Variants in MYRIP observed in about 807,000 individuals in gnomAD.
The protein encoded by MYRIP is rab effector MyRIP.
MYRIP carries 49 observed loss-of-function variants against 98.0 expected under a neutral mutation model. The observed-to-expected ratio is 0.50, with a 90% CI of 0.40 to 0.63. The LOEUF is 0.63. Among genes scored for constraint, MYRIP ranks in the 30% least tolerant of loss-of-function variants. The pLI, the probability that MYRIP is intolerant of heterozygous loss-of-function variation, is 0.00. For synonymous variants in MYRIP, 404 were observed against 409.5 expected (o/e 0.99, Z 0.16); for missense variants, 1,004 against 1,058.2 (o/e 0.95, Z 0.71).
intron 3 of MYRIP, among the ~76,000 whole-genome samples, chr3:40,146,186 C>CA (rs1460612644): frequency 1.3e-5 from 2 of 152,050 alleles, no homozygotes; most frequent in Non-Finnish European, 2.9e-5. Context: ...GAATAAAAAT[C>CA]AGAGTAAGAG....
chr3:39,901,031 C>A, intron 2 of MYRIP, 105 bp downstream of exon 2: 1 of 764,760 alleles, frequency 1.3e-6, no homozygotes. Context: ...TTTGGATATA[C>A]ACTTATGTTT....
At chr3:40,116,135 C>G (rs952378268) in intron 3 of MYRIP, among the ~76,000 whole-genome samples, 2 of 152,214 alleles carry the variant, frequency 1.3e-5, no homozygotes, top group African/African-American at 4.8e-5. Flanking sequence ...TCCTGGGTCT[C>G]CAGCTGTCAT....
rs919737984 is a variant in MYRIP at position 40,210,760 on chromosome 3, C to T, written c.1905+667C>T. Among the ~76,000 whole-genome samples, 5 of 152,110 alleles carry T rather than the reference C, an allele frequency of 3.3e-5. No homozygotes were observed. The South Asian group carries it at 1.0e-3, about 31-fold the overall frequency. ...CCTACCCCCAGTAGGCCCCTGAGTT[C>T]CAAAGGACACAGTTGGAAAACCACA... On this transcript the variant is annotated intron_variant, in intron 11 of 16. Transcript: ENST00000302541.
chr3:39,813,947 A>G (rs538716828), intron 1 of MYRIP, among the ~76,000 whole-genome samples: 7 of 152,324 alleles, frequency 4.6e-5, no homozygotes, highest in Admixed American at 4.6e-4. Flanking sequence ...TTGATAACAT[A>G]TATTGATCAT....
At chr3:40,156,811 T>G (rs1057495823) in intron 4 of MYRIP, among the ~76,000 whole-genome samples, 7 of 152,108 alleles carry the variant, frequency 4.6e-5, no homozygotes, top group African/African-American at 1.2e-4. Flanking sequence ...TGTTGGTGTA[T>G]AAGAATGCTT....
intron 3 of MYRIP, among the ~76,000 whole-genome samples, chr3:40,136,401 A>T (rs1445437042): frequency 6.6e-6 from 1 of 152,246 alleles, no homozygotes; most frequent in Non-Finnish European, 1.5e-5. Flanking sequence ...TTAGAAACCT[A>T]CAAAGAGACT....
intron 3 of MYRIP, among the ~76,000 whole-genome samples, chr3:40,054,280 C>G (rs9822454): frequency 0.29 from 43,982 of 151,968 alleles, 6,437 homozygotes; most frequent in East Asian, 0.35. Context: ...GAAGCTTTAC[C>G]TTGGTATACA....
At chr3:39,858,805 AT>A (rs1942379281) in intron 1 of MYRIP, among the ~76,000 whole-genome samples, 1 of 152,152 alleles carries the variant, frequency 6.6e-6, no homozygotes, top group Non-Finnish European at 1.5e-5. Context: ...CAAATAATAA[AT>A]CAAAAGGGAA....
intron 2 of MYRIP, among the ~76,000 whole-genome samples, chr3:40,019,755 GTTT>G (rs370631440): frequency 7.1e-6 from 1 of 141,528 alleles, no homozygotes; most frequent in Non-Finnish European, 1.5e-5. Context: ...CATAAAATGT[GTTT>G]TTTTTTTAAG....
At chr3:40,253,271 GC>G (rs1953441331) in intron 16 of MYRIP, among the ~76,000 whole-genome samples, 1 of 152,152 alleles carries the variant, frequency 6.6e-6, no homozygotes, top group African/African-American at 2.4e-5. Context: ...TAGAGTCACT[GC>G]CTGCCCAGTG....
intron 8 of MYRIP, among the ~76,000 whole-genome samples, chr3:40,176,503 A>G (rs937668140): frequency 3.3e-5 from 5 of 152,178 alleles, no homozygotes; most frequent in African/African-American, 1.2e-4. Context: ...TAATCCTAGC[A>G]CTTTGGGAGG....
At chr3:39,934,788 A>C (rs991236872) in intron 2 of MYRIP, among the ~76,000 whole-genome samples, 2 of 152,178 alleles carry the variant, frequency 1.3e-5, no homozygotes, top group African/African-American at 4.8e-5. Flanking sequence ...GGGTGACAGG[A>C]AATGTTAGAA....
chr3:39,912,218 T>C (rs372855356), intron 2 of MYRIP, among the ~76,000 whole-genome samples: 7 of 152,282 alleles, frequency 4.6e-5, no homozygotes, highest in Middle Eastern at 3.4e-3. Flanking sequence ...CTAATTCTTA[T>C]ACCTCAGGCT....
chr3:40,145,130 G>C (rs1949982428), intron 3 of MYRIP, among the ~76,000 whole-genome samples: 1 of 152,146 alleles, frequency 6.6e-6, no homozygotes. Flanking sequence ...AGACTTAGAG[G>C]GATTAAGTAA....
At chr3:39,841,722 C>T (rs1323052791) in intron 1 of MYRIP, among the ~76,000 whole-genome samples, 1 of 152,204 alleles carries the variant, frequency 6.6e-6, no homozygotes, top group East Asian at 1.9e-4. Context: ...CCCTCTTCTG[C>T]AGGTCTGCTG....
intron 11 of MYRIP, among the ~76,000 whole-genome samples, chr3:40,224,451 C>G (rs1293151864): frequency 3.3e-5 from 5 of 151,356 alleles, no homozygotes; most frequent in African/African-American, 1.2e-4. Context: ...ATGATTACCT[C>G]TTAGGCCAAG....
At chr3:40,076,671 ATTG>A (rs1948349386) in intron 3 of MYRIP, among the ~76,000 whole-genome samples, 1 of 152,170 alleles carries the variant, frequency 6.6e-6, no homozygotes, top group South Asian at 2.1e-4. Flanking sequence ...CTCCCATTCC[ATTG>A]TTAAGAGCAT....
chr3:39,840,229 T>C (rs1162721562), intron 1 of MYRIP, among the ~76,000 whole-genome samples: 4 of 152,160 alleles, frequency 2.6e-5, no homozygotes, highest in African/African-American at 9.7e-5. Flanking sequence ...ATGTAATACC[T>C]TTCCTTGTCA....
intron 1 of MYRIP, among the ~76,000 whole-genome samples, chr3:39,814,334 T>C (rs1348677646): frequency 6.6e-6 from 1 of 152,230 alleles, no homozygotes; most frequent in African/African-American, 2.4e-5. Context: ...TACTGCTCTT[T>C]TACTTTGCAT....
Sources: gnomAD v4.1 joint callset for allele counts (sites outside exome capture counted in the v4.1 genomes callset) on GRCh38, gnomAD v4.1.1 for gene constraint, MANE v1.5 for transcripts, NCBI Gene and HGNC (gene_info 2026-07-23, HGNC 2026-07-21) for gene names.